Variants in SLIT2 observed in about 807,000 individuals in gnomAD.
SLIT2 encodes slit guidance ligand 2, also known as slit homolog 2 protein.
SLIT2 carries 41 observed loss-of-function variants against 185.7 expected under a neutral mutation model. The ratio of observed to expected loss-of-function variants is 0.22; its 90% confidence interval spans 0.17 to 0.29. The LOEUF is 0.29. SLIT2 is among the 10% of genes least tolerant of loss of function. The pLI is 1.00. For synonymous variants in SLIT2, 693 were observed against 680.2 expected (o/e 1.02, Z -0.29); for missense variants, 1,571 against 1,909.0 (o/e 0.82, Z 3.30).
chr4:20,527,035 G>C (rs149049408), intron 15 of SLIT2, among the ~76,000 whole-genome samples: 1 of 152,140 alleles, frequency 6.6e-6, no homozygotes, highest in African/African-American at 2.4e-5. Context: ...GTAATGAAAC[G>C]ATTATATTTA....
At position 20,418,309 on chromosome 4, in the gene SLIT2, A is replaced by G. The variant is rs190552653; in HGVS notation, c.396-49443A>G. ...TGATGGGACTAGAGACAAGGATTCA[A>G]AATGTATTATAGCAAATTTATGTGT... is the stretch of plus-strand genomic sequence containing the variant. On this transcript the variant is annotated intron_variant, in intron 4 of 36. Transcript: ENST00000504154. Among the ~76,000 whole-genome samples, 6 of 152,326 alleles carry G rather than the reference A, an allele frequency of 3.9e-5. No homozygotes were observed. The East Asian group carries it at 9.6e-4, about 24-fold the overall frequency.
intron 4 of SLIT2, among the ~76,000 whole-genome samples, chr4:20,453,042 A>G (rs1712652555): frequency 6.6e-6 from 1 of 152,208 alleles, no homozygotes; most frequent in Non-Finnish European, 1.5e-5. Context: ...CCCTCAAAAT[A>G]TCTGCTAGCT....
chr4:20,286,073 T>C (rs1482254359), intron 4 of SLIT2, among the ~76,000 whole-genome samples: 1 of 152,236 alleles, frequency 6.6e-6, no homozygotes, highest in Non-Finnish European at 1.5e-5. Context: ...AAAGAGATGA[T>C]GTAATGCCCA....
At chr4:20,276,178 T>C (rs1714151832) in intron 4 of SLIT2, among the ~76,000 whole-genome samples, 1 of 152,172 alleles carries the variant, frequency 6.6e-6, no homozygotes, top group Admixed American at 6.5e-5. Context: ...ACTTTAAATC[T>C]AAATAATGTT....
chr4:20,462,567 C>T (rs1439258870), intron 4 of SLIT2, among the ~76,000 whole-genome samples: 3 of 152,146 alleles, frequency 2.0e-5, no homozygotes, highest in African/African-American at 7.2e-5. Flanking sequence ...AACTTTATTA[C>T]GTAGTGTTCT....
intron 26 of SLIT2, among the ~76,000 whole-genome samples, chr4:20,566,668 C>G (rs1027604785): frequency 2.6e-5 from 4 of 151,868 alleles, no homozygotes; most frequent in Non-Finnish European, 5.9e-5. Flanking sequence ...TAAACCGAAT[C>G]AAAAGGAAAT....
intron 4 of SLIT2, among the ~76,000 whole-genome samples, chr4:20,418,912 C>T (rs950964722): frequency 6.6e-6 from 1 of 152,136 alleles, no homozygotes; most frequent in African/African-American, 2.4e-5. Context: ...CCCATGAACT[C>T]TCATCTCCCG....
chr4:20,323,331 T>C lies in SLIT2; in HGVS notation c.395+54450T>C, dbSNP rs534314683. Among the ~76,000 whole-genome samples the C allele has an allele frequency of 4.9e-4, 75 of 152,312 alleles. No homozygotes were observed. In the South Asian group the frequency reaches 0.014, roughly 29 times the overall value. The stretch of plus-strand genomic sequence containing the variant: ...GAAGAGAAAAGAGTGGATTCTGTCT[T>C]TGGATGAGGATATTAACATTTAAAG... On this transcript the variant is annotated intron_variant, in intron 4 of 36. Coordinates refer to ENST00000504154, the MANE Select transcript of SLIT2 (RefSeq NM_004787.4).
intron 12 of SLIT2, 132 bp downstream of exon 12, chr4:20,519,585 A>T (rs921333351): frequency 6.5e-6 from 4 of 610,852 alleles, no homozygotes; most frequent in Non-Finnish European, 1.2e-5. Context: ...AGAAAAGAGT[A>T]GTCCAGTCAA....
intron 4 of SLIT2, among the ~76,000 whole-genome samples, chr4:20,368,304 G>C (rs1723299459): frequency 1.3e-5 from 2 of 148,978 alleles, no homozygotes; most frequent in Admixed American, 1.3e-4. Context: ...CTAACAGACT[G>C]ACTCAGATGT....
At position 20,542,486 on chromosome 4, in the gene SLIT2, C is replaced by T. The variant is rs201532471; in HGVS notation, c.2144-8C>T. The T allele has an allele frequency of 2.6e-4, 415 of 1,612,430 alleles. 1 individual carries two copies. Among genetic ancestry groups the T allele is most frequent in the Middle Eastern group, 1.7e-3 (10 of 6,054 alleles). ...TCTTGGTTTTCCTGTATTTCCTCTG[C>T]GATTTAGGAAATGATGACAATAGTT... On this transcript the variant is annotated splice_polypyrimidine_tract_variant and splice_region_variant and intron_variant, in intron 20 of 36. Transcript: ENST00000504154.
chr4:20,567,460 G>A (rs1368187061), intron 27 of SLIT2, 58 bp from the exon 28 acceptor site: 2 of 1,609,894 alleles, frequency 1.2e-6, no homozygotes, highest in Non-Finnish European at 1.7e-6. Flanking sequence ...ATTCTACTGT[G>A]CTTTCTGTAT....
chr4:20,355,526 T>A (rs1471757168), intron 4 of SLIT2, among the ~76,000 whole-genome samples: 1 of 152,200 alleles, frequency 6.6e-6, no homozygotes, highest in African/African-American at 2.4e-5. Flanking sequence ...CAGATGAGAT[T>A]TTTTTAAAAA....
At chr4:20,287,864 G>T (rs1053603342) in intron 4 of SLIT2, among the ~76,000 whole-genome samples, 1 of 151,688 alleles carries the variant, frequency 6.6e-6, no homozygotes, top group Non-Finnish European at 1.5e-5. Flanking sequence ...ATTCAATAAG[G>T]TCTTTTCTTA....
chr4:20,272,402 A>G (rs1476370311), intron 4 of SLIT2, among the ~76,000 whole-genome samples: 1 of 152,110 alleles, frequency 6.6e-6, no homozygotes. Flanking sequence ...ATTTTTAAAG[A>G]AATCTGGAGC....
At position 20,528,883 on chromosome 4, in the gene SLIT2, C is replaced by T. The variant is rs1721533673; in HGVS notation, c.1463-66C>T. ...CTATAGTTATCTTACTTTTTTCTTC[C>T]TACAAACTAATAAATTTTCTAACCT... is the stretch of plus-strand genomic sequence containing the variant. On this transcript the variant is annotated intron_variant, in intron 15 of 36. Coordinates refer to ENST00000504154, the MANE Select transcript of SLIT2 (RefSeq NM_004787.4). This position sits in a 1 kb window ranked among gnomAD's most constrained non-coding sequence, Gnocchi z 4.2. The T allele has an allele frequency of 2.2e-6, 3 of 1,344,304 alleles. No individual in the cohort carries two copies. The highest frequency in any genetic ancestry group is 3.1e-6 in the Non-Finnish European group (3 of 978,834). The allele number at this position is 1,344,304 out of a possible 1,614,324, so 83.3% of individuals were successfully genotyped here. A position where few individuals can be genotyped will look rare whatever the true frequency, so the allele number is the denominator to read the frequency against.
chr4:20,359,198 A>G (rs1341610540), intron 4 of SLIT2, among the ~76,000 whole-genome samples: 1 of 152,128 alleles, frequency 6.6e-6, no homozygotes, highest in African/African-American at 2.4e-5. Flanking sequence ...AAGCTATACT[A>G]AAGAGGCGAC....
chr4:20,370,177 A>G (rs1466184101), intron 4 of SLIT2, among the ~76,000 whole-genome samples: 1 of 152,100 alleles, frequency 6.6e-6, no homozygotes, highest in Non-Finnish European at 1.5e-5. Flanking sequence ...CACTAAAACC[A>G]GATGATCTGA....
intron 4 of SLIT2, among the ~76,000 whole-genome samples, chr4:20,276,688 G>C (rs1222697413): frequency 2.0e-5 from 3 of 152,186 alleles, no homozygotes; most frequent in Non-Finnish European, 2.9e-5. Context: ...GGTTTCTTCT[G>C]CTAGTGAAAG....
Sources: allele counts gnomAD v4.1 joint callset (sites outside exome capture counted in the v4.1 genomes callset), GRCh38; gene constraint gnomAD v4.1.1; non-coding constraint Gnocchi (gnomAD v3.1); transcripts MANE v1.5; gene names NCBI Gene and HGNC (gene_info 2026-07-23, HGNC 2026-07-21).